Variants in SHROOM2 observed in about 807,000 individuals in gnomAD.
SHROOM2 encodes protein Shroom2.
In SHROOM2, 33 loss-of-function variants were observed where a neutral mutation model predicts 75.9. The ratio of observed to expected loss-of-function variants is 0.43; its 90% CI spans 0.33 to 0.58. SHROOM2 has a LOEUF of 0.58. Ranked by LOEUF, SHROOM2 falls within the 20% of genes least tolerant of loss-of-function variation. SHROOM2 has a pLI of 0.04. For missense variants in SHROOM2, 1,434 were observed against 1,461.2 expected (o/e 0.98, Z 0.30); for synonymous variants, 655 against 663.6 (o/e 0.99, Z 0.20).
rs1555919910 is a variant in SHROOM2 at position 9,792,159 on chromosome X, T to TAATAGAATAGAATGAAAAAAGAAAAGAA, written c.165+5452_165+5453insAGAATAGAATGAAAAAAGAAAAGAAAAT. On this transcript the variant is annotated intron_variant, in intron 1 of 9. Coordinates refer to ENST00000380913, the MANE Select transcript of SHROOM2 (RefSeq NM_001649.4). ...TAGAATAGAATAGAATAGAATAGAA[T>TAATAGAATAGAATGAAAAAAGAAAAGAA]AATCACCAGTATCTGATACAGGGAG... 5.4e-4 allele frequency among the ~76,000 whole-genome samples: 4 copies of TAATAGAATAGAATGAAAAAAGAAAAGAA among 7,413 alleles called. 2 individuals carry two copies. The highest frequency in any genetic ancestry group is 1.3e-3 in the African/African-American group (4 of 3,057). The allele number at this position is 7,413 out of a possible 115,157, so 6.4% of individuals were successfully genotyped here.
Position 9,895,321 on chromosome X carries a change from G to A in SHROOM2, c.1413G>A (p.Gly471=), listed in dbSNP as rs764065372. 4 of 1,174,486 alleles carry A rather than the reference G, an allele frequency of 3.4e-6. No individual in the cohort carries two copies. The South Asian group carries it at 5.9e-5, about 17-fold the overall frequency. The change falls in exon 4 of 10, where the codon GGG becomes GGA. Residue 471 remains glycine, a synonymous_variant. Transcript: ENST00000380913. ...RGLSSCDQKL[G]SGWQGPRPCV... ...TCAGCAGCTGTGACCAGAAGCTGGGGAGCGGCTGGCAGGGTCCCCGGCCCT... is the reference window on the plus strand; with the variant it reads ...TCAGCAGCTGTGACCAGAAGCTGGGAAGCGGCTGGCAGGGTCCCCGGCCCT...
intron 1 of SHROOM2, among the ~76,000 whole-genome samples, chrX:9,796,153 T>G (rs775147644): frequency 3.6e-5 from 4 of 111,747 alleles, no homozygotes; most frequent in Non-Finnish European, 7.5e-5. Flanking sequence ...CCCTACTCAA[T>G]CCTGATTCAT....
At chrX:9,818,844 C>T (rs938692543) in intron 1 of SHROOM2, 2 of 509,385 alleles carry the variant, frequency 3.9e-6, no homozygotes, top group Non-Finnish European at 7.1e-6. Flanking sequence ...CATGGAGTAT[C>T]AGAACTTTTG....
At chrX:9,808,694 T>C (rs1443967718) in intron 1 of SHROOM2, among the ~76,000 whole-genome samples, 1 of 110,049 alleles carries the variant, frequency 9.1e-6, no homozygotes, top group Non-Finnish European at 1.9e-5. Flanking sequence ...AAACCCTGTC[T>C]CCACTAAAAA....
rs777138633 is a variant in SHROOM2, at chrX:9,949,398, C to A, written c.*2461C>A. On this transcript the variant is annotated 3_prime_UTR_variant, in exon 10 of 10. Transcript: ENST00000380913. Reference sequence around the variant, plus strand: ...ACTTACCACTCACCTATCAACAGATCATCCTGCTTGACTGTAACAAAATAA... The same window carrying A: ...ACTTACCACTCACCTATCAACAGATAATCCTGCTTGACTGTAACAAAATAA... 6 of 328,974 alleles carry A rather than the reference C, an allele frequency of 1.8e-5. No individual in the cohort carries two copies. The highest frequency in any genetic ancestry group is 3.5e-5 in the Non-Finnish European group (6 of 169,828). The allele number at this position is 328,974 out of a possible 1,213,427, so 27.1% of individuals were successfully genotyped here.
intron 1 of SHROOM2, among the ~76,000 whole-genome samples, chrX:9,829,185 G>A (rs1244656714): frequency 9.0e-6 from 1 of 111,502 alleles, no homozygotes; most frequent in Non-Finnish European, 1.9e-5. Context: ...CACCACCCCC[G>A]GCTAACTTTT....
chrX:9,815,095 A>G (rs752854034), intron 1 of SHROOM2, among the ~76,000 whole-genome samples: 3 of 111,593 alleles, frequency 2.7e-5, no homozygotes, highest in Non-Finnish European at 5.6e-5. Flanking sequence ...AACCAACTTC[A>G]TTATATTCCT....
chrX:9,826,382 C>T (rs1406495238), intron 1 of SHROOM2, among the ~76,000 whole-genome samples: 1 of 111,749 alleles, frequency 8.9e-6, no homozygotes, highest in Admixed American at 9.5e-5. Flanking sequence ...TTCTAAATAA[C>T]CTTTTTCTTT....
Position 9,786,647 on chromosome X carries a change from C to A in SHROOM2, c.102C>A (p.Gly34=). 3.4e-6 allele frequency: 3 copies of A among 886,401 alleles called. No homozygotes were observed. The highest frequency in any genetic ancestry group is 4.1e-6 in the Non-Finnish European group (3 of 723,121). The allele number at this position is 886,401 out of a possible 1,213,427, so 73.0% of individuals were successfully genotyped here. A position where few individuals can be genotyped will look rare whatever the true frequency, so the allele number is the denominator to read the frequency against. ...TGGTGGAGGTGCAGCTGAGCGGCGG[C>A]GCCCCGTGGGGCTTCACCCTGAAGG... ...GRLVEVQLSG[G]APWGFTLKGG... The change falls in exon 1 of 10, where the codon GGC becomes GGA. Residue 34 remains glycine, a synonymous_variant. Coordinates refer to ENST00000380913, the MANE Select transcript of SHROOM2 (RefSeq NM_001649.4).
chrX:9,944,138 G>A (rs1199103801), intron 8 of SHROOM2, among the ~76,000 whole-genome samples: 1 of 111,806 alleles, frequency 8.9e-6, no homozygotes, highest in Non-Finnish European at 1.9e-5. Flanking sequence ...CTGGGCAACA[G>A]AGCAAGACCC....
chrX:9,836,692 G>C (rs1328279815), intron 1 of SHROOM2, among the ~76,000 whole-genome samples: 1 of 110,577 alleles, frequency 9.0e-6, no homozygotes, highest in Non-Finnish European at 1.9e-5. Flanking sequence ...CTCCCAAACT[G>C]CTGGGATTAC....
Position 9,885,713 on chromosome X carries a change from G to GA in SHROOM2, c.318-5261dup, listed in dbSNP as rs779924647. Among the ~76,000 whole-genome samples the GA allele has an allele frequency of 1.1e-4, 12 of 111,321 alleles. No individual in the cohort carries two copies. In the East Asian group the frequency reaches 3.4e-3, roughly 31 times the overall value. ...CTCACGCCTGTAATCCCAGCACTTTGAAAGACCGAGGCAGGCAGATTTCTT... is the reference window on the plus strand; with the variant it reads ...CTCACGCCTGTAATCCCAGCACTTTGAAAAGACCGAGGCAGGCAGATTTCTT... On this transcript the variant is annotated intron_variant, in intron 2 of 9. Transcript: ENST00000380913.
chrX:9,903,929 G>A (rs776411463), intron 5 of SHROOM2, among the ~76,000 whole-genome samples: 24 of 110,839 alleles, frequency 2.2e-4, no homozygotes, highest in African/African-American at 7.6e-4. Context: ...ACCGAGACAG[G>A]CGGCCACCCG....
intron 1 of SHROOM2, among the ~76,000 whole-genome samples, chrX:9,830,672 G>A (rs2083911776): frequency 1.2e-5 from 1 of 85,364 alleles, no homozygotes; most frequent in African/African-American, 4.7e-5. Context: ...CGCGATCTTG[G>A]CTCACCACAA....
intron 1 of SHROOM2, among the ~76,000 whole-genome samples, chrX:9,860,916 G>A (rs1312220936): frequency 8.9e-6 from 1 of 111,909 alleles, no homozygotes; most frequent in Non-Finnish European, 1.9e-5. Flanking sequence ...CATGATGTTA[G>A]CTGAAATAAG....
At chrX:9,813,632 A>G (rs2083803444) in intron 1 of SHROOM2, among the ~76,000 whole-genome samples, 1 of 111,850 alleles carries the variant, frequency 8.9e-6, no homozygotes, top group African/African-American at 3.3e-5. Flanking sequence ...AAACTGGCTC[A>G]AGTCTGGAAA....
chrX:9,937,848 C>A (rs1178422669), intron 7 of SHROOM2, among the ~76,000 whole-genome samples, 163 bp downstream of exon 7: 1 of 112,151 alleles, frequency 8.9e-6, no homozygotes, highest in East Asian at 2.8e-4. Flanking sequence ...TTTTTGTGAG[C>A]CTCCGGAAAG....
rs770275739 is a variant in SHROOM2, at chrX:9,860,765, A to G, written c.166-12887A>G. Among the ~76,000 whole-genome samples the G allele has an allele frequency of 2.7e-5, 3 of 111,759 alleles. No homozygotes were observed. The South Asian group carries it at 1.1e-3, about 42-fold the overall frequency. On this transcript the variant is annotated intron_variant, in intron 1 of 9. Coordinates refer to ENST00000380913, the MANE Select transcript of SHROOM2 (RefSeq NM_001649.4). The stretch of plus-strand genomic sequence containing the variant: ...GTATTCACCCCGTATTCAGGAGTTG[A>G]AGGTGTAGGAAGCAGCGCAAATGGA...
At position 9,946,987 on chromosome X, in the gene SHROOM2, C is replaced by G. The variant is rs1324732517; in HGVS notation, c.*50C>G. ...GGCACGGGGCCTCCGAGCTCCAGCT[C>G]CGTTCCCAAGGATACTCGTGAAGAC... On this transcript the variant is annotated 3_prime_UTR_variant, in exon 10 of 10. Transcript: ENST00000380913. 3.6e-6 allele frequency: 4 copies of G among 1,118,960 alleles called. No homozygotes were observed. The East Asian group carries it at 9.5e-5, about 27-fold the overall frequency. 92.2% of individuals were successfully genotyped at this position (1,118,960 alleles called of 1,213,427 possible).
Sources: allele counts gnomAD v4.1 joint callset (sites outside exome capture counted in the v4.1 genomes callset), GRCh38; gene constraint gnomAD v4.1.1; transcripts MANE v1.5; gene names NCBI Gene and HGNC (gene_info 2026-07-23, HGNC 2026-07-21).